CNTNAP3B: variants seen among roughly 807,000 people sequenced by gnomAD.
CNTNAP3B encodes contactin-associated protein-like 3B.
A neutral mutation model predicts 108.9 loss-of-function variants in CNTNAP3B; 25 were observed. The observed-to-expected ratio is 0.23, with a 90% CI of 0.17 to 0.32. The LOEUF (loss-of-function observed/expected upper bound fraction) is 0.32, where lower values mean the gene tolerates loss of function less well. Among genes scored for constraint, CNTNAP3B ranks in the 10% least tolerant of loss-of-function variants. The pLI, the probability that CNTNAP3B is intolerant of heterozygous loss-of-function variation, is 1.00. For missense variants in CNTNAP3B, 252 were observed against 1,210.4 expected, an observed-to-expected ratio of 0.21 and a Z score of 11.75; for synonymous variants, 103 against 473.4, an observed-to-expected ratio of 0.22 and a Z score of 10.16.
In CNTNAP3B at chr9:42,037,479, G is replaced by A. The variant is rs1170404919; in HGVS notation, c.391-23954C>T. ...AACCATGGCAAAAGAACCACATGAC[G>A]CATGTACGAGCTTCAGTAGCTGATT... On this transcript the variant is annotated intron_variant, in intron 3 of 23. Transcript: ENST00000377561. 8.5e-5 allele frequency among the ~76,000 whole-genome samples: 11 copies of A among 129,686 alleles called. 3 individuals are homozygous for A. Among genetic ancestry groups the A allele is most frequent in the African/African-American group, 2.5e-4 (8 of 31,722 alleles). The allele number at this position is 129,686 out of a possible 152,430, so 85.1% of individuals were successfully genotyped here. A position where few individuals can be genotyped will look rare whatever the true frequency, so the allele number is the denominator to read the frequency against.
rs1378115827 is a variant in CNTNAP3B at position 42,110,367 on chromosome 9, G to A, written c.86-5628C>T. Among the ~76,000 whole-genome samples, 5 of 137,028 alleles carry A rather than the reference G, an allele frequency of 3.6e-5. 1 individual carries two copies. The South Asian group carries it at 9.5e-4, about 26-fold the overall frequency. The allele number at this position is 137,028 out of a possible 152,430, so 89.9% of individuals were successfully genotyped here. A position where few individuals can be genotyped will look rare whatever the true frequency, so the allele number is the denominator to read the frequency against. Reference sequence around the variant, plus strand: ...AAAGGAGCTAAGCACTGTGTCGGCGGAACCTAAGGATGGAAGGAGAGGGGA... The same window carrying A: ...AAAGGAGCTAAGCACTGTGTCGGCGAAACCTAAGGATGGAAGGAGAGGGGA... On this transcript the variant is annotated intron_variant, in intron 1 of 23. Coordinates refer to ENST00000377561, the MANE Select transcript of CNTNAP3B (RefSeq NM_001201380.3).
chr9:41,945,419 T>C (rs1304992589), intron 13 of CNTNAP3B, among the ~76,000 whole-genome samples: 126 of 152,324 alleles, frequency 8.3e-4, no homozygotes, highest in African/African-American at 2.8e-3. Flanking sequence ...ATATATACCA[T>C]GGAATACTAT....
At chr9:41,951,422 C>G (rs558473805) in intron 13 of CNTNAP3B, among the ~76,000 whole-genome samples, 1 of 114,114 alleles carries the variant, frequency 8.8e-6, no homozygotes, top group East Asian at 3.1e-4. Context: ...CAGCAATGAA[C>G]TAACAAATAA....
At chr9:41,944,341 A>T (rs1824459369) in intron 13 of CNTNAP3B, among the ~76,000 whole-genome samples, 1 of 145,242 alleles carries the variant, frequency 6.9e-6, no homozygotes, top group African/African-American at 2.6e-5. Context: ...TAATACTAAC[A>T]ATGTATTGGG....
chr9:41,945,674 G>T (rs1484014025), intron 13 of CNTNAP3B, among the ~76,000 whole-genome samples: 2 of 152,300 alleles, frequency 1.3e-5, no homozygotes, highest in South Asian at 2.1e-4. Context: ...TAAATGATGA[G>T]TTAATGGGTG....
intron 6 of CNTNAP3B, among the ~76,000 whole-genome samples, chr9:41,997,195 T>C (rs1327815179): frequency 1.3e-5 from 2 of 149,110 alleles, no homozygotes; most frequent in African/African-American, 2.5e-5. Context: ...TTGGTTAGGA[T>C]TGCACCAAGA....
chr9:41,944,754 C>A (rs1352468516), intron 13 of CNTNAP3B, among the ~76,000 whole-genome samples: 2 of 152,240 alleles, frequency 1.3e-5, no homozygotes, highest in Non-Finnish European at 2.9e-5. Flanking sequence ...GCAACAAAAG[C>A]CAAAATTGAC....
rs561708927 is a variant in CNTNAP3B at position 42,064,751 on chromosome 9, C to A, written c.390+12118G>T. ...TTAATTCACTTGGGATAATGGCCCCCAACTGCATCATGGTGCTACAAAGGA... is the reference window on the plus strand; with the variant it reads ...TTAATTCACTTGGGATAATGGCCCCAAACTGCATCATGGTGCTACAAAGGA... On this transcript the variant is annotated intron_variant, in intron 3 of 23. Coordinates refer to ENST00000377561, the MANE Select transcript of CNTNAP3B (RefSeq NM_001201380.3). Among the ~76,000 whole-genome samples, 582 of 135,326 alleles carry A rather than the reference C, an allele frequency of 4.3e-3. 56 individuals carry two copies. The highest frequency in any genetic ancestry group is 0.017 in the African/African-American group (562 of 33,596). The allele number at this position is 135,326 out of a possible 152,430, so 88.8% of individuals were successfully genotyped here.
chr9:41,960,984 G>T lies in CNTNAP3B; in HGVS notation c.1757-92C>A, dbSNP rs1587149851. On this transcript the variant is annotated intron_variant, in intron 11 of 23. Coordinates refer to ENST00000377561, the MANE Select transcript of CNTNAP3B (RefSeq NM_001201380.3). ...GTTTGCATTTCTGAATTACAGACAT[G>T]TGATACATATGACCCAACATCATTT... 5 of 1,507,170 alleles carry T rather than the reference G, an allele frequency of 3.3e-6. No individual in the cohort carries two copies. The Admixed American group carries it at 9.7e-5, about 29-fold the overall frequency. 93.4% of individuals were successfully genotyped at this position (1,507,170 alleles called of 1,614,324 possible).
chr9:42,119,331 G>A (rs1291708208), intron 1 of CNTNAP3B, among the ~76,000 whole-genome samples: 6 of 130,620 alleles, frequency 4.6e-5, no homozygotes, highest in African/African-American at 1.9e-4. Flanking sequence ...AATAAAAGAG[G>A]ATACAAACAA....
intron 13 of CNTNAP3B, among the ~76,000 whole-genome samples, chr9:41,950,619 A>C (rs1434474989): frequency 1.3e-5 from 2 of 149,402 alleles, no homozygotes; most frequent in Non-Finnish European, 3.0e-5. Flanking sequence ...AGAGTGAAAA[A>C]AACTCAACCA....
chr9:41,956,275 A>G (rs1824855107), intron 12 of CNTNAP3B, among the ~76,000 whole-genome samples: 1 of 151,600 alleles, frequency 6.6e-6, no homozygotes, highest in Non-Finnish European at 1.5e-5. Flanking sequence ...AGTCCCAGCT[A>G]CCGGGGAGGC....
chr9:42,116,276 A>G (rs1033286477), intron 1 of CNTNAP3B, among the ~76,000 whole-genome samples: 2 of 133,790 alleles, frequency 1.5e-5, no homozygotes. Context: ...CCAGAGAGAA[A>G]GGTCGGGTTA....
chr9:41,945,416 C>T (rs1286692892), intron 13 of CNTNAP3B, among the ~76,000 whole-genome samples: 1 of 152,308 alleles, frequency 6.6e-6, no homozygotes, highest in Non-Finnish European at 1.5e-5. Context: ...CACATATATA[C>T]CATGGAATAC....
intron 3 of CNTNAP3B, among the ~76,000 whole-genome samples, chr9:42,020,595 T>A (rs1174935555): frequency 1.3e-5 from 2 of 148,768 alleles, no homozygotes; most frequent in African/African-American, 5.1e-5. Flanking sequence ...ATGATAGGCA[T>A]TGTTGCAAAA....
Position 42,118,456 on chromosome 9 carries a change from G to A in CNTNAP3B, c.85+10554C>T, listed in dbSNP as rs1332723766. ...GATTATCTCAATAGATGCAGAAAAG[G>A]CCTTTGACAAAATTCAAAGACGCTT... On this transcript the variant is annotated intron_variant, in intron 1 of 23. Transcript: ENST00000377561. Among the ~76,000 whole-genome samples, 13 of 137,704 alleles carry A rather than the reference G, an allele frequency of 9.4e-5. 3 individuals are homozygous for A. The highest frequency in any genetic ancestry group is 3.2e-4 in the African/African-American group (11 of 34,590). The allele number at this position is 137,704 out of a possible 152,430, so 90.3% of individuals were successfully genotyped here.
rs565279768 is a variant in CNTNAP3B, at chr9:41,960,776, T to A, written c.1873A>T (p.Thr625Ser). ...CATCTAACGATTATCAACATACCTG[T>A]CATATTGCAGTACACAAGAAATGGT... is the stretch of plus-strand genomic sequence containing the variant. ...LGPFLVYCNMTADSAWTVVRH... is the reference protein window; with the variant it reads ...LGPFLVYCNMSADSAWTVVRH... Residue 625 changes from threonine to serine, a missense_variant, in exon 12 of 24, where the codon ACA (threonine) becomes TCA (serine). Coordinates refer to ENST00000377561, the MANE Select transcript of CNTNAP3B (RefSeq NM_001201380.3). The A allele has an allele frequency of 6.2e-7, 1 of 1,604,716 alleles. No homozygotes were observed. Among genetic ancestry groups the A allele is most frequent in the East Asian group, 2.2e-5 (1 of 44,824 alleles).
intron 14 of CNTNAP3B, among the ~76,000 whole-genome samples, chr9:41,937,114 T>TTATTATTATTATTATTA (rs1554739561): frequency 5.4e-4 from 76 of 141,412 alleles, no homozygotes; most frequent in Non-Finnish European, 7.5e-4. Context: ...TATTTATTAA[T>TTATTATTATTATTATTA]TTATTATTAT....
chr9:42,066,635 G>A (rs1461846491), intron 3 of CNTNAP3B, among the ~76,000 whole-genome samples: 1 of 131,024 alleles, frequency 7.6e-6, no homozygotes, highest in African/African-American at 3.1e-5. Flanking sequence ...CAGCATGTTG[G>A]CCAGGCTGGT....
Sources: allele counts gnomAD v4.1 joint callset (sites outside exome capture counted in the v4.1 genomes callset), GRCh38; gene constraint gnomAD v4.1.1; transcripts MANE v1.5; gene names NCBI Gene and HGNC (gene_info 2026-07-23, HGNC 2026-07-21).